FMN1: variants seen among roughly 807,000 people sequenced by gnomAD.
FMN1 encodes formin-1.
FMN1 carries 110 observed loss-of-function variants against 132.4 expected under a neutral mutation model. The observed-to-expected ratio is 0.83, with a 90% confidence interval of 0.71 to 0.97. The LOEUF (loss-of-function observed/expected upper bound fraction) is 0.97, where lower values mean the gene tolerates loss of function less well. FMN1 is among the 50% of genes least tolerant of loss of function. The pLI is 0.00. For missense variants in FMN1, 1,792 were observed against 1,705.3 expected (o/e 1.05, Z -0.90); for synonymous variants, 722 against 651.7 (o/e 1.11, Z -1.64).
chr15:32,984,669 G>A (rs535803276), intron 7 of FMN1, among the ~76,000 whole-genome samples: 3 of 152,212 alleles, frequency 2.0e-5, no homozygotes, highest in South Asian at 2.1e-4. Flanking sequence ...TTACATCTAC[G>A]TATGGTTTAT....
intron 6 of FMN1, among the ~76,000 whole-genome samples, chr15:33,043,896 C>CA (rs1287629188): frequency 3.9e-5 from 6 of 152,206 alleles, no homozygotes; most frequent in Non-Finnish European, 8.8e-5. Context: ...CTCCTGGGTG[C>CA]AGCTGCAGCT....
intron 4 of FMN1, among the ~76,000 whole-genome samples, chr15:33,144,555 A>C (rs906174624): frequency 6.6e-6 from 1 of 150,514 alleles, no homozygotes; most frequent in Non-Finnish European, 1.5e-5. Flanking sequence ...GGAGAATGGC[A>C]TGAACCCGGG....
intron 17 of FMN1, among the ~76,000 whole-genome samples, chr15:32,853,271 CCT>C (rs1417566661): frequency 1.3e-5 from 2 of 152,196 alleles, no homozygotes; most frequent in African/African-American, 2.4e-5. Flanking sequence ...GGGCATTCTT[CCT>C]CTCTGATTCT....
intron 6 of FMN1, among the ~76,000 whole-genome samples, chr15:33,040,321 C>T (rs1439863219): frequency 1.3e-5 from 2 of 152,124 alleles, no homozygotes; most frequent in African/African-American, 4.8e-5. Flanking sequence ...TATAACCGCA[C>T]CTAGAATGTT....
intron 3 of FMN1, among the ~76,000 whole-genome samples, chr15:33,166,050 T>A (rs958333846): frequency 2.6e-5 from 4 of 152,240 alleles, no homozygotes; most frequent in African/African-American, 9.6e-5. Context: ...TAAATCACAG[T>A]AATATGACAT....
Position 32,888,259 on chromosome 15 carries a change from G to T in FMN1, c.3748C>A (p.Pro1250Thr), listed in dbSNP as rs777985713. The change falls in exon 16 of 21, where the codon CCG becomes ACG. Residue 1250 changes from proline to threonine, a missense_variant. This residue lies in a region of FMN1 where 1,150 missense variants were observed against 1,043.1 expected (regional missense o/e 1.10). Transcript: ENST00000616417. ...AGTEKSVFPLPEPQDFFLASQ... is the reference protein window; with the variant it reads ...AGTEKSVFPLTEPQDFFLASQ... ...GCCAGAAAGAAATCCTGTGGTTCCG[G>T]CAAGGGGAAAACACTCTTTTCTGTT... The T allele has an allele frequency of 6.2e-7, 1 of 1,612,480 alleles. No homozygotes were observed. Among genetic ancestry groups the T allele is most frequent in the Non-Finnish European group, 8.5e-7 (1 of 1,179,202 alleles).
intron 17 of FMN1, among the ~76,000 whole-genome samples, chr15:32,818,343 AC>A (rs1297632339): frequency 6.6e-6 from 1 of 152,144 alleles, no homozygotes; most frequent in African/African-American, 2.4e-5. Context: ...TGAGTATGGA[AC>A]CTATTCAAAC....
chr15:33,058,617 C>T (rs995792028), intron 6 of FMN1, among the ~76,000 whole-genome samples: 1 of 152,090 alleles, frequency 6.6e-6, no homozygotes, highest in African/African-American at 2.4e-5. Context: ...TCTTTGATTC[C>T]TATTTGAGGA....
intron 14 of FMN1, 113 bp from the exon 15 acceptor site, chr15:32,899,006 CT>C (rs1247821147): frequency 7.1e-6 from 5 of 701,844 alleles, no homozygotes; most frequent in Admixed American, 2.3e-5. Context: ...AACTGGCTTT[CT>C]CTTCGATGCT....
chr15:33,041,428 A>G (rs1349528182), intron 6 of FMN1, among the ~76,000 whole-genome samples: 3 of 145,840 alleles, frequency 2.1e-5, no homozygotes, highest in Non-Finnish European at 3.0e-5. Context: ...AATAGTTACT[A>G]TTCACTTCTT....
intron 2 of FMN1, among the ~76,000 whole-genome samples, chr15:33,182,377 C>T (rs1403305566): frequency 3.9e-5 from 6 of 152,222 alleles, no homozygotes. Flanking sequence ...GCTGTAGGCT[C>T]ATTTTTAGGG....
chr15:33,127,534 A>C (rs1438092561), intron 4 of FMN1, among the ~76,000 whole-genome samples: 1 of 152,256 alleles, frequency 6.6e-6, no homozygotes, highest in Non-Finnish European at 1.5e-5. Flanking sequence ...CTCAACCTGA[A>C]TAAAGTTTTT....
chr15:32,914,312 G>A (rs2060631794), intron 10 of FMN1, among the ~76,000 whole-genome samples: 1 of 152,136 alleles, frequency 6.6e-6, no homozygotes, highest in Non-Finnish European at 1.5e-5. Flanking sequence ...TCCATGCAAT[G>A]ACAATTTGTA....
chr15:33,000,176 G>A (rs2034010764), intron 7 of FMN1, among the ~76,000 whole-genome samples: 1 of 152,190 alleles, frequency 6.6e-6, no homozygotes, highest in South Asian at 2.1e-4. Flanking sequence ...GTGGCTGGAC[G>A]TGATGGCTCA....
In FMN1 at chr15:33,013,025, G is replaced by A. The variant is rs947936801; in HGVS notation, c.2162-4950C>T. On this transcript the variant is annotated intron_variant, in intron 6 of 20. Coordinates refer to ENST00000616417, the MANE Select transcript of FMN1 (RefSeq NM_001277313.2). Reference sequence around the variant, plus strand: ...TTTGCCAAACCACAAAACCAAGGAGGCTATAGGGGTAGCACTAGCTATGGC... The same window carrying A: ...TTTGCCAAACCACAAAACCAAGGAGACTATAGGGGTAGCACTAGCTATGGC... 6 of 414,956 alleles carry A rather than the reference G, an allele frequency of 1.4e-5. No individual in the cohort carries two copies. The East Asian group carries it at 3.2e-4, about 22-fold the overall frequency. 25.7% of individuals were successfully genotyped at this position (414,956 alleles called of 1,614,324 possible).
intron 4 of FMN1, among the ~76,000 whole-genome samples, chr15:33,095,556 G>A (rs1390106495): frequency 6.6e-6 from 1 of 152,004 alleles, no homozygotes; most frequent in Non-Finnish European, 1.5e-5. Flanking sequence ...CACCACACAA[G>A]GCTAGTTTTT....
At chr15:33,045,917 C>A (rs534784635) in intron 6 of FMN1, among the ~76,000 whole-genome samples, 1 of 152,248 alleles carries the variant, frequency 6.6e-6, no homozygotes, top group African/African-American at 2.4e-5. Context: ...CCTTGGCATC[C>A]CAAAGTGCTG....
chr15:32,838,929 T>C (rs1171004458), intron 17 of FMN1, among the ~76,000 whole-genome samples: 1 of 151,882 alleles, frequency 6.6e-6, no homozygotes, highest in Non-Finnish European at 1.5e-5. Context: ...AAAAGATGAG[T>C]GATGAGTCTC....
intron 6 of FMN1, among the ~76,000 whole-genome samples, chr15:33,031,317 C>T (rs1305627769): frequency 1.3e-5 from 2 of 152,184 alleles, no homozygotes; most frequent in Non-Finnish European, 2.9e-5. Flanking sequence ...GAGGAGCCAG[C>T]ACTGTGGAGA....
Sources: allele counts gnomAD v4.1 joint callset (sites outside exome capture counted in the v4.1 genomes callset), GRCh38; gene constraint gnomAD v4.1.1; regional missense constraint gnomAD v4.1.1; transcripts MANE v1.5; gene names NCBI Gene and HGNC (gene_info 2026-07-23, HGNC 2026-07-21).